The following ZPLD1 variants were observed in gnomAD, a reference collection of about 807,000 sequenced individuals.
ZPLD1 encodes the protein zona pellucida-like domain-containing protein 1.
Under a neutral mutation model 47.2 loss-of-function variants are expected in ZPLD1, and 34 were observed. The ratio of observed to expected loss-of-function variants is 0.72; its 90% CI spans 0.55 to 0.96. ZPLD1 has a LOEUF of 0.96. Among genes scored for constraint, ZPLD1 ranks in the 40% least tolerant of loss-of-function variants. The pLI, the probability that ZPLD1 is intolerant of heterozygous loss-of-function variation, is 0.00. For missense variants in ZPLD1, 512 were observed against 505.8 expected (o/e 1.01, Z -0.12); for synonymous variants, 176 against 186.2 (o/e 0.95, Z 0.45).
chr3:102,394,446 T>G (rs1706534799), intron 7 of ZPLD1, among the ~76,000 whole-genome samples: 1 of 152,204 alleles, frequency 6.6e-6, no homozygotes, highest in Admixed American at 6.6e-5. Context: ...CTTAGGATAC[T>G]TAAATGTCCT....
chr3:102,477,710 A>G lies in ZPLD1; in HGVS notation c.*92A>G. 1 of 1,191,406 alleles carries G rather than the reference A, an allele frequency of 8.4e-7. No homozygotes were observed. Among genetic ancestry groups the G allele is most frequent in the Non-Finnish European group, 1.2e-6 (1 of 860,244 alleles). 73.8% of individuals were successfully genotyped at this position (1,191,406 alleles called of 1,614,324 possible). A position where few individuals can be genotyped will look rare whatever the true frequency, so the allele number is the denominator to read the frequency against. Reference sequence around the variant, plus strand: ...TTCCGTCTGAATTTCATGTCAGTCCACATTCAATATTTGTAGGTTTGATAA... The same window carrying G: ...TTCCGTCTGAATTTCATGTCAGTCCGCATTCAATATTTGTAGGTTTGATAA... On this transcript the variant is annotated 3_prime_UTR_variant, in exon 12 of 12. Coordinates refer to ENST00000466937, the MANE Select transcript of ZPLD1 (RefSeq NM_001329788.2).
At chr3:102,388,829 T>G (rs1706464188) in intron 6 of ZPLD1, among the ~76,000 whole-genome samples, 1 of 152,064 alleles carries the variant, frequency 6.6e-6, no homozygotes, top group South Asian at 2.1e-4. Flanking sequence ...AATCAGGAAA[T>G]CCTTTAGAGA....
chr3:102,444,273 C>T (rs1279507236), intron 3 of ZPLD1, among the ~76,000 whole-genome samples: 1 of 152,162 alleles, frequency 6.6e-6, no homozygotes. Flanking sequence ...TTATGAACTT[C>T]CTAGAGCACT....
chr3:102,472,302 G>T (rs541066903), intron 10 of ZPLD1, among the ~76,000 whole-genome samples: 5 of 152,048 alleles, frequency 3.3e-5, no homozygotes, highest in Admixed American at 1.3e-4. Context: ...GAGGCTGAGG[G>T]GGGTGGATAA....
chr3:102,472,300 G>C (rs576871756), intron 10 of ZPLD1, among the ~76,000 whole-genome samples: 1 of 152,184 alleles, frequency 6.6e-6, no homozygotes, highest in Admixed American at 6.5e-5. Context: ...GGGAGGCTGA[G>C]GGGGGTGGAT....
chr3:102,459,554 G>T (rs767246751), intron 6 of ZPLD1, among the ~76,000 whole-genome samples: 2 of 152,084 alleles, frequency 1.3e-5, no homozygotes, highest in African/African-American at 4.8e-5. Flanking sequence ...ATCCTTAAAA[G>T]AATCTCTGAA....
chr3:102,441,449 A>C (rs892230407), intron 3 of ZPLD1, among the ~76,000 whole-genome samples: 8 of 152,144 alleles, frequency 5.3e-5, no homozygotes, highest in African/African-American at 1.9e-4. Flanking sequence ...TAAACCCTGC[A>C]GATGAATCTA....
chr3:102,418,047 T>C (rs1706830263), intron 7 of ZPLD1: 1 of 150,922 alleles, frequency 6.6e-6, no homozygotes, highest in Non-Finnish European at 1.5e-5. Context: ...TTTTCTTTCT[T>C]TTTTTTTTAA....
chr3:102,450,568 T>C (rs1707322933), intron 3 of ZPLD1, among the ~76,000 whole-genome samples: 1 of 152,134 alleles, frequency 6.6e-6, no homozygotes. Context: ...ATGGAGAGAC[T>C]TGAGCACCTA....
intron 7 of ZPLD1, among the ~76,000 whole-genome samples, chr3:102,408,290 G>A (rs1263691557): frequency 6.6e-6 from 1 of 151,766 alleles, no homozygotes; most frequent in East Asian, 1.9e-4. Context: ...AAGATACACT[G>A]AGTAGGTTTG....
intron 6 of ZPLD1, among the ~76,000 whole-genome samples, chr3:102,387,783 T>C (rs1706446975): frequency 6.6e-6 from 1 of 152,008 alleles, no homozygotes; most frequent in African/African-American, 2.4e-5. Context: ...TAATTTTTCA[T>C]TAATTATCCT....
intron 3 of ZPLD1, 29 bp from the exon 4 acceptor site, chr3:102,452,890 T>A: frequency 6.2e-7 from 1 of 1,604,678 alleles, no homozygotes. Flanking sequence ...TTCTGACTTA[T>A]GTTTGTTTTT....
At chr3:102,405,395 A>G (rs893750769) in intron 7 of ZPLD1, among the ~76,000 whole-genome samples, 2 of 152,046 alleles carry the variant, frequency 1.3e-5, no homozygotes, top group African/African-American at 2.4e-5. Context: ...GCCTCATAAA[A>G]GTAGAATGTT....
intron 8 of ZPLD1, among the ~76,000 whole-genome samples, chr3:102,466,170 G>C (rs890741830): frequency 1.3e-5 from 2 of 152,150 alleles, no homozygotes; most frequent in African/African-American, 4.8e-5. Context: ...AGGAACCCAG[G>C]GCTGATGGTA....
chr3:102,409,362 T>C (rs1706725805), intron 7 of ZPLD1, among the ~76,000 whole-genome samples: 1 of 151,818 alleles, frequency 6.6e-6, no homozygotes, highest in African/African-American at 2.4e-5. Context: ...CCCTCATGGC[T>C]TGGTCACCTC....
intron 8 of ZPLD1, among the ~76,000 whole-genome samples, chr3:102,422,923 A>G (rs1706897802): frequency 6.6e-6 from 1 of 152,018 alleles, no homozygotes; most frequent in Non-Finnish European, 1.5e-5. Flanking sequence ...CAGGCAGTCT[A>G]TTTATAGGAT....
intron 7 of ZPLD1, among the ~76,000 whole-genome samples, chr3:102,417,885 G>GA (rs914010937): frequency 6.6e-5 from 10 of 151,394 alleles, no homozygotes; most frequent in African/African-American, 2.4e-4. Context: ...GCAGGTAGGG[G>GA]AAAAAAAGAG....
intron 6 of ZPLD1, among the ~76,000 whole-genome samples, chr3:102,391,626 C>T (rs1039836224): frequency 3.3e-5 from 5 of 152,100 alleles, no homozygotes; most frequent in Non-Finnish European, 5.9e-5. Context: ...AACCTTCTTA[C>T]TAGCCCTAAG....
chr3:102,400,251 G>A (rs909114628), intron 7 of ZPLD1, among the ~76,000 whole-genome samples: 3 of 152,094 alleles, frequency 2.0e-5, no homozygotes, highest in Admixed American at 1.3e-4. Context: ...AATCCTTGAG[G>A]AGTAAATGTC....
Sources: allele counts gnomAD v4.1 joint callset (sites outside exome capture counted in the v4.1 genomes callset), GRCh38; gene constraint gnomAD v4.1.1; transcripts MANE v1.5; gene names NCBI Gene and HGNC (gene_info 2026-07-23, HGNC 2026-07-21).